The following DHX37 variants were observed in gnomAD, a reference collection of about 807,000 sequenced individuals.
DHX37 encodes the protein DEAH-box helicase 37.
DHX37 carries 52 observed loss-of-function variants against 134.3 expected under a neutral mutation model. The ratio of observed to expected loss-of-function variants is 0.39; its 90% CI spans 0.31 to 0.49. DHX37 has a LOEUF of 0.49. Ranked by LOEUF, DHX37 falls within the 20% of genes least tolerant of loss-of-function variation. The pLI, the probability that DHX37 is intolerant of heterozygous loss-of-function variation, is 0.93. For missense variants in DHX37, 1,344 were observed against 1,580.8 expected (o/e 0.85, Z 2.54); for synonymous variants, 634 against 670.7 (o/e 0.95, Z 0.85).
At chr12:124,975,354 T>C in intron 6 of DHX37, 65 bp downstream of exon 6, 1 of 1,543,036 alleles carries the variant, frequency 6.5e-7, no homozygotes. Flanking sequence ...CCTCCTGGGC[T>C]TCCCACATCT....
Position 124,986,076 on chromosome 12 carries a change from C to A in DHX37, c.276+20G>T. 1 of 1,612,466 alleles carries A rather than the reference C, an allele frequency of 6.2e-7. No homozygotes were observed. The highest frequency in any genetic ancestry group is 8.5e-7 in the Non-Finnish European group (1 of 1,179,772). ...CTATGCTGGAGAGCCACTTGCAGAC[C>A]CTGCCCGAGTGGGGTGTACCTGGCT... On this transcript the variant is annotated intron_variant, in intron 2 of 26. Coordinates refer to ENST00000308736, the MANE Select transcript of DHX37 (RefSeq NM_032656.4).
chr12:124,968,802 G>A lies in DHX37; in HGVS notation c.1293+65C>T, dbSNP rs190163119. The A allele has an allele frequency of 3.1e-6, 5 of 1,603,994 alleles. No homozygotes were observed. The African/African-American group carries it at 4.0e-5, about 13-fold the overall frequency. On this transcript the variant is annotated intron_variant, in intron 9 of 26. Transcript: ENST00000308736. Reference sequence around the variant, plus strand: ...TGTGACCAAGTGAGGTCTCTCAGGGGGCTCCCGACACCAGGGCGTCCTTGT... The same window carrying A: ...TGTGACCAAGTGAGGTCTCTCAGGGAGCTCCCGACACCAGGGCGTCCTTGT...
intron 1 of DHX37, 143 bp from the exon 2 acceptor site, chr12:124,986,408 A>T (rs2135975320): frequency 4.3e-6 from 4 of 940,798 alleles, no homozygotes; most frequent in Non-Finnish European, 6.4e-6. Flanking sequence ...TATTTTCATA[A>T]CAATACTATG....
rs1954931853 is a variant in DHX37 at position 124,989,099 on chromosome 12, GACC to G, written c.-80_-78del. 8.4e-6 allele frequency: 8 copies of G among 954,226 alleles called. No individual in the cohort carries two copies. In the Admixed American group the frequency reaches 1.3e-4, roughly 15 times the overall value. 59.1% of individuals were successfully genotyped at this position (954,226 alleles called of 1,614,324 possible). On this transcript the variant is annotated 5_prime_UTR_variant, in exon 1 of 27. Transcript: ENST00000308736. The stretch of plus-strand genomic sequence containing the variant: ...GAAACCCAGCCCACGTGGGTTCCCA[GACC>G]ACCAACTCCGGCCGTGAGACTTCCG...
rs71092252 is a variant in DHX37 at position 124,973,638 on chromosome 12, C to CTTTTTTTTTTTTTTTTTTTTTTTT, written c.981-1040_981-1039insAAAAAAAAAAAAAAAAAAAAAAAA. 1.4e-4 allele frequency among the ~76,000 whole-genome samples: 14 copies of CTTTTTTTTTTTTTTTTTTTTTTTT among 102,874 alleles called. 6 individuals are homozygous for CTTTTTTTTTTTTTTTTTTTTTTTT. Among genetic ancestry groups the CTTTTTTTTTTTTTTTTTTTTTTTT allele is most frequent in the African/African-American group, 1.9e-4 (5 of 26,276 alleles). The allele number at this position is 102,874 out of a possible 152,430, so 67.5% of individuals were successfully genotyped here. ...TTATGTATATGCGCCCCCCCCAACG[C>CTTTTTTTTTTTTTTTTTTTTTTTT]TTTTTTTTTTTTTTTTTTTTGAGAT... On this transcript the variant is annotated intron_variant, in intron 6 of 26. Transcript: ENST00000308736.
chr12:124,973,096 G>A (rs1954552740), intron 6 of DHX37, among the ~76,000 whole-genome samples: 3 of 152,140 alleles, frequency 2.0e-5, no homozygotes, highest in South Asian at 2.1e-4. Context: ...GAGCAAAGAT[G>A]GCACCACTGC....
chr12:124,980,526 G>A lies in DHX37; in HGVS notation c.702C>T (p.Ala234=), dbSNP rs770505981. 4 of 1,611,922 alleles carry A rather than the reference G, an allele frequency of 2.5e-6. No individual in the cohort carries two copies. Among genetic ancestry groups the A allele is most frequent in the Admixed American group, 1.7e-5 (1 of 59,502 alleles). ...PPLPRALAKP[A]VFIPVNRSPE... ...GGGAGCGGTTCACGGGGATGAAGAC[G>A]GCGGGCTTAGCCAGGGCCCTGGGCA... Residue 234 remains alanine, a synonymous_variant, in exon 4 of 27, where the codon GCC becomes GCT. Coordinates refer to ENST00000308736, the MANE Select transcript of DHX37 (RefSeq NM_032656.4). The surrounding 1 kb of genome is among the most constrained non-coding windows in gnomAD (Gnocchi z 5.3).
At chr12:124,956,086 T>G (rs1485145612) in intron 18 of DHX37, among the ~76,000 whole-genome samples, 3 of 152,250 alleles carry the variant, frequency 2.0e-5, no homozygotes, top group Admixed American at 6.5e-5. Flanking sequence ...GCAGCAGGCT[T>G]TGCACAAGAT....
In DHX37 at chr12:124,980,723, ACTCCTCCTCCTCCTC is replaced by A; in HGVS notation, c.490_504del (p.Glu164_Glu168del). 1.3e-6 allele frequency: 2 copies of A among 1,533,290 alleles called. No individual in the cohort carries two copies. Among genetic ancestry groups the A allele is most frequent in the Non-Finnish European group, 1.7e-6 (2 of 1,143,522 alleles). The allele number at this position is 1,533,290 out of a possible 1,614,324, so 95.0% of individuals were successfully genotyped here. A position where few individuals can be genotyped will look rare whatever the true frequency, so the allele number is the denominator to read the frequency against. On this transcript the variant is annotated inframe_deletion, in exon 4 of 27. Transcript: ENST00000308736. The surrounding 1 kb of genome is among the most constrained non-coding windows in gnomAD (Gnocchi z 5.3). ...GACTCCTCCTCCAGCTCCGATTCCG[ACTCCTCCTCCTCCTC>A]CTCCTCCTCCTCAGCTGAGGGCCAG...
chr12:124,986,857 C>T (rs1187380267), intron 1 of DHX37, among the ~76,000 whole-genome samples: 2 of 152,116 alleles, frequency 1.3e-5, no homozygotes, highest in South Asian at 2.1e-4. Context: ...GCAATTCTCC[C>T]GCCTCAGCCT....
At position 124,980,412 on chromosome 12, in the gene DHX37, C is replaced by T. The variant is rs556330772; in HGVS notation, c.738+78G>A. The stretch of plus-strand genomic sequence containing the variant: ...AGGCACAGAGAAGGGATGCCCTTGC[C>T]CCACTTCACCAGGACGCCCTCTGTG... On this transcript the variant is annotated intron_variant, in intron 4 of 26. Transcript: ENST00000308736. The surrounding 1 kb of genome is among the most constrained non-coding windows in gnomAD (Gnocchi z 5.3). 551 of 1,484,854 alleles carry T rather than the reference C, an allele frequency of 3.7e-4. 1 individual carries two copies. Among genetic ancestry groups the T allele is most frequent in the Non-Finnish European group, 4.5e-4 (499 of 1,100,984 alleles). The allele number at this position is 1,484,854 out of a possible 1,614,324, so 92.0% of individuals were successfully genotyped here. A position where few individuals can be genotyped will look rare whatever the true frequency, so the allele number is the denominator to read the frequency against.
intron 18 of DHX37, 42 bp downstream of exon 18, chr12:124,956,649 G>T (rs369631980): frequency 1.0e-5 from 15 of 1,504,154 alleles, no homozygotes; most frequent in Non-Finnish European, 8.9e-6. Context: ...GCCCCCGTCG[G>T]AACTGAGCTT....
chr12:124,979,696 C>T (rs1158920900), intron 4 of DHX37, among the ~76,000 whole-genome samples: 1 of 152,194 alleles, frequency 6.6e-6, no homozygotes, highest in Non-Finnish European at 1.5e-5. Context: ...ACTGAAGTCC[C>T]AAGGGATGGC....
In DHX37 at chr12:124,948,893, A is replaced by G. The variant is rs79178546; in HGVS notation, c.3291-712T>C. ...TAATCATCCCGGGACAGAAGGCTCTAGATCCCACCTCCTCCCATCCACCCT... is the reference window on the plus strand; with the variant it reads ...TAATCATCCCGGGACAGAAGGCTCTGGATCCCACCTCCTCCCATCCACCCT... On this transcript the variant is annotated intron_variant, in intron 25 of 26. Transcript: ENST00000308736. 9.1e-3 allele frequency among the ~76,000 whole-genome samples: 1,353 copies of G among 149,484 alleles called. 16 individuals are homozygous for G. Among genetic ancestry groups the G allele is most frequent in the African/African-American group, 0.033 (1,291 of 39,562 alleles).
chr12:124,969,508 C>A (rs910647387), intron 8 of DHX37, among the ~76,000 whole-genome samples: 3 of 152,078 alleles, frequency 2.0e-5, no homozygotes, highest in Admixed American at 6.6e-5. Flanking sequence ...CCCTCTCTTG[C>A]CCCACAGTGA....
At chr12:124,961,304 A>G (rs1566332790) in intron 15 of DHX37, among the ~76,000 whole-genome samples, 1 of 146,572 alleles carries the variant, frequency 6.8e-6, no homozygotes, top group African/African-American at 2.7e-5. Flanking sequence ...GCGTGCACGC[A>G]CGCACACACA....
chr12:124,963,919 A>G (rs1373425435), intron 15 of DHX37, among the ~76,000 whole-genome samples: 15 of 148,812 alleles, frequency 1.0e-4, no homozygotes, highest in Non-Finnish European at 1.9e-4. Flanking sequence ...CAGTGCGAGT[A>G]GGCCAGGCAT....
Position 124,950,548 on chromosome 12 carries a change from C to G in DHX37, c.2986G>C (p.Val996Leu). The change falls in exon 23 of 27, where the codon GTC (valine) becomes CTC (leucine). Residue 996 changes from valine (V) to leucine (L), a missense_variant and splice_region_variant. Transcript: ENST00000308736. ...VETTKMYMKGVSSVEVQWIPA... is the reference protein window; with the variant it reads ...VETTKMYMKGLSSVEVQWIPA... ...ATCCACTGGACCTCCACGCTAGAGA[C>G]GCCTGGGGGCCGGGGGAGGAAGCTG... 1 of 1,548,838 alleles carries G rather than the reference C, an allele frequency of 6.5e-7. No individual in the cohort carries two copies. The highest frequency in any genetic ancestry group is 8.7e-7 in the Non-Finnish European group (1 of 1,148,932).
chr12:124,968,274 G>C (rs987403212), intron 10 of DHX37, among the ~76,000 whole-genome samples: 3 of 152,140 alleles, frequency 2.0e-5, no homozygotes, highest in African/African-American at 7.2e-5. Context: ...CACTGGCCTG[G>C]GCCCTGTGGG....
Sources: allele counts gnomAD v4.1 joint callset (sites outside exome capture counted in the v4.1 genomes callset), GRCh38; gene constraint gnomAD v4.1.1; non-coding constraint Gnocchi (gnomAD v3.1); transcripts MANE v1.5; gene names NCBI Gene and HGNC (gene_info 2026-07-23, HGNC 2026-07-21).